The following NAV3 variants were observed in gnomAD, a reference collection of about 807,000 sequenced individuals.
NAV3 encodes the protein neuron navigator 3.
NAV3 carries 87 observed loss-of-function variants against 244.7 expected under a neutral mutation model. That is an observed-to-expected ratio of 0.36 (90% confidence interval 0.30 to 0.42). The LOEUF is 0.42. Among genes scored for constraint, NAV3 ranks in the 20% least tolerant of loss-of-function variants. The pLI, the probability that NAV3 is intolerant of heterozygous loss-of-function variation, is 1.00. For synonymous variants in NAV3, 1,126 were observed against 1,042.2 expected, an observed-to-expected ratio of 1.08 and a Z score of -1.55; for missense variants, 2,663 against 2,893.3, an observed-to-expected ratio of 0.92 and a Z score of 1.83.
chr12:77,684,138 G>A lies in NAV3; in HGVS notation c.72+111872G>A, dbSNP rs139657196. ...TTTAATTTTAGCCATTCTAATGAGT[G>A]TGAAGTGATAATCTTATTGTGGATT... On this transcript the variant is annotated intron_variant, in intron 2 of 8. Coordinates refer to the NAV3 transcript ENST00000550042. Among the ~76,000 whole-genome samples, 595 of 152,268 alleles carry A rather than the reference G, an allele frequency of 3.9e-3. 6 individuals carry two copies. The highest frequency in any genetic ancestry group is 0.014 in the African/African-American group (572 of 41,554).
At position 78,137,112 on chromosome 12, in the gene NAV3, T is replaced by C. The variant is rs1956405727; in HGVS notation, c.4442-65T>C. 7.6e-6 allele frequency: 11 copies of C among 1,445,730 alleles called. 1 individual carries two copies. In the South Asian group the frequency reaches 1.5e-4, roughly 19 times the overall value. The allele number at this position is 1,445,730 out of a possible 1,614,324, so 89.6% of individuals were successfully genotyped here. Reference sequence around the variant, plus strand: ...GTATTGGGATCATGTTCTTACTTTCTATCAACCTGCTATTTTCATCTTTCA... The same window carrying C: ...GTATTGGGATCATGTTCTTACTTTCCATCAACCTGCTATTTTCATCTTTCA... On this transcript the variant is annotated intron_variant, in intron 18 of 39. Coordinates refer to ENST00000397909, the MANE Select transcript of NAV3 (RefSeq NM_001024383.2).
At chr12:77,700,766 G>T (rs1361913232) in intron 2 of NAV3, among the ~76,000 whole-genome samples, 2 of 151,678 alleles carry the variant, frequency 1.3e-5, no homozygotes, top group Non-Finnish European at 2.9e-5. Flanking sequence ...TTATGAATGG[G>T]TATTTAATTG....
At chr12:77,813,806 C>T (rs994511912) in intron 2 of NAV3, among the ~76,000 whole-genome samples, 1 of 152,174 alleles carries the variant, frequency 6.6e-6, no homozygotes, top group African/African-American at 2.4e-5. Context: ...TGTCACTGAT[C>T]TAAAATATTT....
intron 1 of NAV3, among the ~76,000 whole-genome samples, chr12:77,905,413 A>T (rs1484345201): frequency 3.3e-5 from 5 of 152,128 alleles, no homozygotes; most frequent in African/African-American, 1.2e-4. Context: ...TTACTATAAA[A>T]TTTTAAAAAT....
intron 2 of NAV3, among the ~76,000 whole-genome samples, chr12:77,707,460 G>C (rs1047619447): frequency 8.5e-5 from 13 of 152,054 alleles, no homozygotes; most frequent in African/African-American, 3.1e-4. Context: ...TCCAGTCTAT[G>C]ATTGATGGAC....
chr12:78,054,889 C>T (rs889098552), intron 11 of NAV3, among the ~76,000 whole-genome samples: 4 of 151,852 alleles, frequency 2.6e-5, no homozygotes, highest in Admixed American at 6.6e-5. Flanking sequence ...GAGCTGGAGA[C>T]GGTGAGATAT....
chr12:78,017,562 G>A (rs1383979007), intron 8 of NAV3, among the ~76,000 whole-genome samples: 1 of 152,096 alleles, frequency 6.6e-6, no homozygotes, highest in Non-Finnish European at 1.5e-5. Flanking sequence ...ATAGGACCAT[G>A]TTGCTGAATA....
At chr12:77,994,338 T>G (rs1267755299) in intron 5 of NAV3, among the ~76,000 whole-genome samples, 3 of 152,240 alleles carry the variant, frequency 2.0e-5, no homozygotes, top group Admixed American at 1.3e-4. Flanking sequence ...AAATAATATT[T>G]AGATTGAAAA....
chr12:77,766,750 T>G lies in NAV3; in HGVS notation c.73-173569T>G, dbSNP rs1430630595. Among the ~76,000 whole-genome samples, 60 of 31,124 alleles carry G rather than the reference T, an allele frequency of 1.9e-3. 2 individuals are homozygous for G. The highest frequency in any genetic ancestry group is 0.014 in the Middle Eastern group (1 of 72). The allele number at this position is 31,124 out of a possible 152,430, so 20.4% of individuals were successfully genotyped here. A position where few individuals can be genotyped will look rare whatever the true frequency, so the allele number is the denominator to read the frequency against. ...AGGCAATTAAGTTTTTTTTTTTTTT[T>G]TTTTTTTTTTTTTTTTTTTTTGAGA... On this transcript the variant is annotated intron_variant, in intron 2 of 8. Transcript: ENST00000550042.
chr12:77,702,890 G>T (rs1875625259), intron 2 of NAV3, among the ~76,000 whole-genome samples: 1 of 151,464 alleles, frequency 6.6e-6, no homozygotes, highest in South Asian at 2.1e-4. Context: ...CTGTAAATCT[G>T]ATTTTTCCTC....
intron 2 of NAV3, among the ~76,000 whole-genome samples, chr12:77,798,484 T>G (rs1484614596): frequency 6.6e-6 from 1 of 152,148 alleles, no homozygotes; most frequent in Non-Finnish European, 1.5e-5. Flanking sequence ...AGTATTTGAT[T>G]TAATAGCTGT....
Position 77,901,720 on chromosome 12 carries a change from A to AG in NAV3, c.244-38598dup, listed in dbSNP as rs563202853. Among the ~76,000 whole-genome samples the AG allele has an allele frequency of 1.8e-4, 27 of 152,262 alleles. No homozygotes were observed. The East Asian group carries it at 5.0e-3, about 28-fold the overall frequency. The stretch of plus-strand genomic sequence containing the variant: ...GACTCTGTTTCAAAAAAAGAAAAAA[A>AG]GAAAAGAAAGGTAAGGGTCCAGTTT... On this transcript the variant is annotated intron_variant, in intron 1 of 39. Coordinates refer to ENST00000397909, the MANE Select transcript of NAV3 (RefSeq NM_001024383.2).
intron 9 of NAV3, among the ~76,000 whole-genome samples, chr12:78,034,086 A>G (rs190348299): frequency 1.3e-5 from 2 of 152,356 alleles, no homozygotes; most frequent in African/African-American, 2.4e-5. Flanking sequence ...CCATTTGTAA[A>G]TGCAATATAA....
chr12:78,036,952 A>G (rs1308074471), intron 9 of NAV3: 1 of 703,000 alleles, frequency 1.4e-6, no homozygotes, highest in Admixed American at 2.0e-5. Context: ...TCTCTGACCA[A>G]TCTTTCCCTC....
chr12:78,066,660 A>T (rs1326123570), intron 12 of NAV3, among the ~76,000 whole-genome samples: 1 of 152,158 alleles, frequency 6.6e-6, no homozygotes, highest in Non-Finnish European at 1.5e-5. Flanking sequence ...TAATCAATAT[A>T]ACTTCACATT....
At chr12:77,838,425 G>A (rs1875039554) in intron 1 of NAV3, among the ~76,000 whole-genome samples, 1 of 152,110 alleles carries the variant, frequency 6.6e-6, no homozygotes, top group Non-Finnish European at 1.5e-5. Flanking sequence ...CTTTGAACTG[G>A]AAATTATTAA....
intron 2 of NAV3, among the ~76,000 whole-genome samples, chr12:77,673,815 T>C (rs1369056174): frequency 1.3e-5 from 2 of 152,178 alleles, no homozygotes; most frequent in African/African-American, 4.8e-5. Flanking sequence ...ATATCTATTT[T>C]TCTTTTACTG....
intron 12 of NAV3, among the ~76,000 whole-genome samples, chr12:78,094,185 C>T (rs924231698): frequency 6.6e-6 from 1 of 152,138 alleles, no homozygotes; most frequent in African/African-American, 2.4e-5. Context: ...ATTTTGAATA[C>T]AATCCAAGGA....
intron 17 of NAV3, among the ~76,000 whole-genome samples, chr12:78,128,135 C>T (rs1213377035): frequency 6.6e-6 from 1 of 152,012 alleles, no homozygotes; most frequent in Non-Finnish European, 1.5e-5. Context: ...TAGCAAATAG[C>T]TGGCAATTAT....
Sources: allele counts gnomAD v4.1 joint callset (sites outside exome capture counted in the v4.1 genomes callset), GRCh38; gene constraint gnomAD v4.1.1; transcripts MANE v1.5; gene names NCBI Gene and HGNC (gene_info 2026-07-23, HGNC 2026-07-21).